Variants in HDAC1 observed in about 807,000 individuals in gnomAD.
HDAC1 encodes the protein histone deacetylase 1, also known as protein deacetylase HDAC1.
Under a neutral mutation model 65.5 loss-of-function variants are expected in HDAC1, and 18 were observed. The observed-to-expected ratio is 0.27, with a 90% CI of 0.19 to 0.41. The LOEUF (loss-of-function observed/expected upper bound fraction) is 0.41, where lower values mean the gene tolerates loss of function less well. Ranked by LOEUF, HDAC1 falls within the 10% of genes least tolerant of loss-of-function variation. The probability of loss-of-function intolerance (pLI) is 1.00; values close to 1 mark genes in which losing one functional copy is unlikely to be tolerated. For synonymous variants in HDAC1, 211 were observed against 227.9 expected (o/e 0.93, Z 0.67); for missense variants, 373 against 625.2 (o/e 0.60, Z 4.30).
At chr1:32,308,843 T>C (rs1640947836) in intron 2 of HDAC1, among the ~76,000 whole-genome samples, 1 of 152,074 alleles carries the variant, frequency 6.6e-6, no homozygotes, top group Non-Finnish European at 1.5e-5. Context: ...GATAGGGTGT[T>C]GCTCTGTCAT....
At chr1:32,325,998 G>T (rs1398721746) in intron 4 of HDAC1, among the ~76,000 whole-genome samples, 1 of 151,898 alleles carries the variant, frequency 6.6e-6, no homozygotes, top group African/African-American at 2.4e-5. Context: ...CTGCACTTCA[G>T]CCTGGGTGAC....
chr1:32,333,070 T>C lies in HDAC1; in HGVS notation c.*26T>C. ...ATGGACCTCTCCAGCTCTGGCTTCC[T>C]GCTGAGTCCCTCACGTTTCTTCCCC... On this transcript the variant is annotated 3_prime_UTR_variant, in exon 14 of 14. Transcript: ENST00000373548. 6.2e-7 allele frequency: 1 copy of C among 1,604,362 alleles called. No homozygotes were observed. The highest frequency in any genetic ancestry group is 8.5e-7 in the Non-Finnish European group (1 of 1,171,468).
intron 2 of HDAC1, among the ~76,000 whole-genome samples, chr1:32,311,285 T>C (rs1405043221): frequency 6.6e-6 from 1 of 152,014 alleles, no homozygotes; most frequent in Non-Finnish European, 1.5e-5. Context: ...CTGGCCAACA[T>C]GGTGAAACCC....
At chr1:32,310,904 G>C (rs1016484860) in intron 2 of HDAC1, among the ~76,000 whole-genome samples, 1 of 149,312 alleles carries the variant, frequency 6.7e-6, no homozygotes, top group Non-Finnish European at 1.5e-5. Flanking sequence ...GAGGGAGAGA[G>C]AGAAAGACAA....
At chr1:32,299,523 T>C (rs1640816517) in intron 1 of HDAC1, among the ~76,000 whole-genome samples, 1 of 152,138 alleles carries the variant, frequency 6.6e-6, no homozygotes, top group Non-Finnish European at 1.5e-5. Flanking sequence ...GATATCTTAG[T>C]CCCCCAGGTC....
chr1:32,332,181 C>G lies in HDAC1; in HGVS notation c.1311C>G (p.Phe437Leu). Reference sequence around the variant, plus strand: ...GGGGCCGCAAGAACTCTTCCAACTTCAAAAAAGCCAAGAGAGTCAAAACAG... The same window carrying G: ...GGGGCCGCAAGAACTCTTCCAACTTGAAAAAAGCCAAGAGAGTCAAAACAG... ...GEGGRKNSSN[F>L]KKAKRVKTED... Residue 437 changes from phenylalanine to leucine, a missense_variant, in exon 12 of 14, where the codon TTC (phenylalanine) becomes TTG (leucine). Phe to Leu is a conservative substitution (Grantham distance 22). Coordinates refer to ENST00000373548, the MANE Select transcript of HDAC1 (RefSeq NM_004964.3). 1 of 1,613,158 alleles carries G rather than the reference C, an allele frequency of 6.2e-7. No individual in the cohort carries two copies. The highest frequency in any genetic ancestry group is 2.2e-5 in the East Asian group (1 of 44,868).
At chr1:32,322,806 C>T (rs925247313) in intron 3 of HDAC1, among the ~76,000 whole-genome samples, 1 of 152,100 alleles carries the variant, frequency 6.6e-6, no homozygotes. Context: ...GTCAAGACAC[C>T]GGGACCCTGA....
chr1:32,314,499 T>C (rs1641031643), intron 2 of HDAC1, among the ~76,000 whole-genome samples: 1 of 151,900 alleles, frequency 6.6e-6, no homozygotes, highest in Non-Finnish European at 1.5e-5. Flanking sequence ...AGCCCAATAA[T>C]GATCTTCCTT....
Position 32,327,202 on chromosome 1 carries a change from G to A in HDAC1, c.494+125G>A. 1 of 918,128 alleles carries A rather than the reference G, an allele frequency of 1.1e-6. No homozygotes were observed. Among genetic ancestry groups the A allele is most frequent in the Non-Finnish European group, 1.7e-6 (1 of 596,068 alleles). 56.9% of individuals were successfully genotyped at this position (918,128 alleles called of 1,614,324 possible). A position where few individuals can be genotyped will look rare whatever the true frequency, so the allele number is the denominator to read the frequency against. ...ATGTGCTGGCTAGGATGTGCTCGGT[G>A]AGTGTCTCTGGCCATCATCTCCTTG... On this transcript the variant is annotated intron_variant, in intron 5 of 13. Transcript: ENST00000373548. This position sits in a 1 kb window ranked among gnomAD's most constrained non-coding sequence, Gnocchi z 6.0.
chr1:32,301,490 C>T (rs1382693303), intron 1 of HDAC1, among the ~76,000 whole-genome samples: 1 of 151,112 alleles, frequency 6.6e-6, no homozygotes, highest in Non-Finnish European at 1.5e-5. Flanking sequence ...TGAATGCTGG[C>T]CAGGCGCGGT....
chr1:32,316,821 G>C (rs370709371), intron 3 of HDAC1, 39 bp downstream of exon 3: 2 of 1,261,576 alleles, frequency 1.6e-6, no homozygotes, highest in Non-Finnish European at 1.2e-6. Context: ...GAAGCCGCCA[G>C]TTGCATCTCC....
intron 1 of HDAC1, among the ~76,000 whole-genome samples, chr1:32,293,713 C>T (rs973758218): frequency 1.4e-4 from 21 of 152,140 alleles, no homozygotes; most frequent in African/African-American, 4.6e-4. Flanking sequence ...ACCAGCCTGA[C>T]CAACATGGTG....
rs1388094584 is a variant in HDAC1, at chr1:32,316,650, C to T, written c.163-15C>T. On this transcript the variant is annotated splice_polypyrimidine_tract_variant and intron_variant, in intron 2 of 13. Coordinates refer to ENST00000373548, the MANE Select transcript of HDAC1 (RefSeq NM_004964.3). ...GGTCAAAAATAACTTGCCCTTTCTC[C>T]CTTCTGCCCTCTAGCGCCCTCACAA... 1.3e-6 allele frequency: 2 copies of T among 1,519,534 alleles called. No individual in the cohort carries two copies. Among genetic ancestry groups the T allele is most frequent in the South Asian group, 1.1e-5 (1 of 89,038 alleles). 94.1% of individuals were successfully genotyped at this position (1,519,534 alleles called of 1,614,324 possible). A position where few individuals can be genotyped will look rare whatever the true frequency, so the allele number is the denominator to read the frequency against.
Position 32,330,048 on chromosome 1 carries a change from C to T in HDAC1, c.730-530C>T, listed in dbSNP as rs1641269780. On this transcript the variant is annotated intron_variant, in intron 7 of 13. Transcript: ENST00000373548. This position sits in a 1 kb window ranked among gnomAD's most constrained non-coding sequence, Gnocchi z 4.2. ...ATCTTCACTTATAAACAGTAAGAAACTGCTTAACCTAATAAGGTCAGGTAG... is the reference window on the plus strand; with the variant it reads ...ATCTTCACTTATAAACAGTAAGAAATTGCTTAACCTAATAAGGTCAGGTAG... The T allele has an allele frequency of 6.3e-6, 1 of 160,000 alleles. No homozygotes were observed. Among genetic ancestry groups the T allele is most frequent in the African/African-American group, 2.4e-5 (1 of 41,462 alleles). 9.9% of individuals were successfully genotyped at this position (160,000 alleles called of 1,614,324 possible). A position where few individuals can be genotyped will look rare whatever the true frequency, so the allele number is the denominator to read the frequency against.
chr1:32,294,951 G>A (rs1298092894), intron 1 of HDAC1, among the ~76,000 whole-genome samples: 2 of 151,900 alleles, frequency 1.3e-5, no homozygotes, highest in Non-Finnish European at 2.9e-5. Flanking sequence ...ACAGGCCTAA[G>A]CCACTGTTTT....
intron 3 of HDAC1, among the ~76,000 whole-genome samples, chr1:32,322,364 C>G (rs554636141): frequency 6.6e-6 from 1 of 152,022 alleles, no homozygotes; most frequent in South Asian, 2.1e-4. Flanking sequence ...GCAACCTCCA[C>G]GTTTTGGGTT....
chr1:32,311,509 A>T (rs941092561), intron 2 of HDAC1, among the ~76,000 whole-genome samples: 1 of 152,002 alleles, frequency 6.6e-6, no homozygotes, highest in African/African-American at 2.4e-5. Context: ...ATCTTGAACA[A>T]CTAGGTGGTT....
chr1:32,324,403 G>T (rs893414970), intron 3 of HDAC1, 76 bp from the exon 4 acceptor site: 9 of 1,001,236 alleles, frequency 9.0e-6, no homozygotes, highest in Non-Finnish European at 1.4e-5. Context: ...TAAATTCTGT[G>T]TTTTTTTCCA....
chr1:32,311,492 G>A (rs1640990436), intron 2 of HDAC1, among the ~76,000 whole-genome samples: 2 of 151,604 alleles, frequency 1.3e-5, no homozygotes, highest in African/African-American at 4.8e-5. Flanking sequence ...ATGATACCCT[G>A]GCTTCGATCT....
Sources: allele counts gnomAD v4.1 joint callset (sites outside exome capture counted in the v4.1 genomes callset), GRCh38; gene constraint gnomAD v4.1.1; non-coding constraint Gnocchi (gnomAD v3.1); transcripts MANE v1.5; gene names NCBI Gene and HGNC (gene_info 2026-07-23, HGNC 2026-07-21).